The following NRXN3 variants were observed in gnomAD, a reference collection of about 807,000 sequenced individuals.
The protein encoded by NRXN3 is neurexin 3.
A neutral mutation model predicts 137.6 loss-of-function variants in NRXN3; 32 were observed. The ratio of observed to expected loss-of-function variants is 0.23; its 90% CI spans 0.18 to 0.31. The LOEUF is 0.31. Among genes scored for constraint, NRXN3 ranks in the 10% least tolerant of loss-of-function variants. The pLI, the probability that NRXN3 is intolerant of heterozygous loss-of-function variation, is 1.00. For synonymous variants in NRXN3, 798 were observed against 784.5 expected (o/e 1.02, Z -0.29); for missense variants, 1,574 against 2,062.5 (o/e 0.76, Z 4.59).
chr14:79,131,675 G>A lies in NRXN3; in HGVS notation c.3262+143534G>A, dbSNP rs577858092. ...CCAGAGGTGGAGCCTACAGAGGCAG[G>A]CAGGCCTCCTTGAGCTGTGGTTGGC... On this transcript the variant is annotated intron_variant, in intron 15 of 20. Transcript: ENST00000335750. 2.0e-4 allele frequency among the ~76,000 whole-genome samples: 31 copies of A among 152,356 alleles called. No homozygotes were observed. The South Asian group carries it at 6.4e-3, about 32-fold the overall frequency.
At chr14:78,305,647 T>C (rs993140723) in intron 4 of NRXN3, among the ~76,000 whole-genome samples, 1 of 152,228 alleles carries the variant, frequency 6.6e-6, no homozygotes, top group African/African-American at 2.4e-5. Flanking sequence ...GAAAATAAGT[T>C]ACTGCCTTGA....
rs921897943 is a variant in NRXN3 at position 79,171,427 on chromosome 14, C to A, written c.3262+183286C>A. Reference sequence around the variant, plus strand: ...CCAGAAATCTTCCTAGTTTCTTCCCCACCTGTCATGGAGTTTCATTGTATT... The same window carrying A: ...CCAGAAATCTTCCTAGTTTCTTCCCAACCTGTCATGGAGTTTCATTGTATT... On this transcript the variant is annotated intron_variant, in intron 15 of 20. Coordinates refer to ENST00000335750, the MANE Select transcript of NRXN3 (RefSeq NM_001330195.2). Among the ~76,000 whole-genome samples, 10 of 152,210 alleles carry A rather than the reference C, an allele frequency of 6.6e-5. No individual in the cohort carries two copies. The South Asian group carries it at 1.2e-3, about 19-fold the overall frequency.
intron 4 of NRXN3, among the ~76,000 whole-genome samples, chr14:78,458,089 G>A (rs1382650948): frequency 6.6e-6 from 1 of 152,126 alleles, no homozygotes; most frequent in African/African-American, 2.4e-5. Flanking sequence ...GAGAAAGGAG[G>A]GAGACCTAAC....
At chr14:78,755,191 T>G (rs907659351) in intron 8 of NRXN3, among the ~76,000 whole-genome samples, 1 of 63,806 alleles carries the variant, frequency 1.6e-5, no homozygotes, top group African/African-American at 3.5e-4. Flanking sequence ...AGTTTTTGTA[T>G]TTTTTTTTTT....
intron 15 of NRXN3, among the ~76,000 whole-genome samples, chr14:79,355,577 A>C (rs2093395095): frequency 6.6e-6 from 1 of 152,206 alleles, no homozygotes; most frequent in Admixed American, 6.5e-5. Flanking sequence ...ACAGTTGGTC[A>C]CTATAGCATT....
chr14:79,303,954 C>T (rs896196033), intron 15 of NRXN3, among the ~76,000 whole-genome samples: 1 of 152,064 alleles, frequency 6.6e-6, no homozygotes, highest in Non-Finnish European at 1.5e-5. Flanking sequence ...GTAGTGGCAT[C>T]AGCAGCAACA....
At chr14:79,153,235 A>G (rs1006914880) in intron 15 of NRXN3, among the ~76,000 whole-genome samples, 1 of 152,024 alleles carries the variant, frequency 6.6e-6, no homozygotes, top group South Asian at 2.1e-4. Context: ...GCTGTTAAAC[A>G]CAGCTATTTT....
intron 8 of NRXN3, among the ~76,000 whole-genome samples, chr14:78,736,652 C>A (rs1405675029): frequency 6.6e-6 from 1 of 152,204 alleles, no homozygotes; most frequent in Non-Finnish European, 1.5e-5. Flanking sequence ...TTTATTTACA[C>A]TTTTATTCAT....
chr14:79,802,825 C>T (rs941194218), intron 19 of NRXN3, among the ~76,000 whole-genome samples: 20 of 152,148 alleles, frequency 1.3e-4, no homozygotes, highest in African/African-American at 4.3e-4. Flanking sequence ...GTTTCAGTTG[C>T]TGGAACTGAA....
At chr14:79,325,140 T>G (rs1374702035) in intron 15 of NRXN3, among the ~76,000 whole-genome samples, 2 of 152,224 alleles carry the variant, frequency 1.3e-5, no homozygotes, top group Non-Finnish European at 2.9e-5. Context: ...TTCTGGTAGT[T>G]TGAAAAATAA....
chr14:79,324,899 A>G (rs1332852192), intron 15 of NRXN3, among the ~76,000 whole-genome samples: 2 of 152,178 alleles, frequency 1.3e-5, no homozygotes, highest in South Asian at 4.1e-4. Flanking sequence ...GTGTAATGAA[A>G]AAAGAAAACA....
rs554941344 is a variant in NRXN3 at position 79,811,388 on chromosome 14, T to C, written c.4093+6198T>C. 3.9e-5 allele frequency among the ~76,000 whole-genome samples: 6 copies of C among 152,298 alleles called. No individual in the cohort carries two copies. The East Asian group carries it at 1.2e-3, about 29-fold the overall frequency. On this transcript the variant is annotated intron_variant, in intron 20 of 20. Coordinates refer to ENST00000335750, the MANE Select transcript of NRXN3 (RefSeq NM_001330195.2). ...TAAAATTTGAGTTACAATACATGTC[T>C]AATGCTCACAAAAGCAAATAGTTGT...
intron 9 of NRXN3, among the ~76,000 whole-genome samples, chr14:78,806,022 A>G (rs1456876809): frequency 2.7e-5 from 4 of 146,742 alleles, no homozygotes; most frequent in Non-Finnish European, 6.0e-5. Flanking sequence ...AGTCTGAGAG[A>G]TGTGCTTTTC....
At chr14:78,222,898 C>T (rs1211238239) in intron 1 of NRXN3, among the ~76,000 whole-genome samples, 2 of 152,184 alleles carry the variant, frequency 1.3e-5, no homozygotes, top group African/African-American at 4.8e-5. Flanking sequence ...ACACTCAGAA[C>T]ATAATAGGTG....
At chr14:79,206,620 C>T (rs960014004) in intron 15 of NRXN3, among the ~76,000 whole-genome samples, 1 of 152,152 alleles carries the variant, frequency 6.6e-6, no homozygotes, top group Non-Finnish European at 1.5e-5. Context: ...TTGTGACAAC[C>T]CTGCCTTTCC....
intron 4 of NRXN3, among the ~76,000 whole-genome samples, chr14:78,630,348 A>G (rs2097507350): frequency 6.6e-6 from 1 of 152,224 alleles, no homozygotes; most frequent in South Asian, 2.1e-4. Context: ...TAATAACATT[A>G]ACAAATTTTG....
chr14:79,328,777 CAT>C (rs2091271361), intron 15 of NRXN3, among the ~76,000 whole-genome samples: 1 of 152,178 alleles, frequency 6.6e-6, no homozygotes, highest in Non-Finnish European at 1.5e-5. Flanking sequence ...TCATGCAGTG[CAT>C]ATATGTTTTG....
intron 17 of NRXN3, among the ~76,000 whole-genome samples, chr14:79,664,980 C>G (rs78080970): frequency 6.6e-6 from 1 of 152,112 alleles, no homozygotes; most frequent in Non-Finnish European, 1.5e-5. Flanking sequence ...AACAAAGAAG[C>G]TTGAAGCACA....
At chr14:79,289,840 C>T (rs1281865589) in intron 15 of NRXN3, among the ~76,000 whole-genome samples, 1 of 152,134 alleles carries the variant, frequency 6.6e-6, no homozygotes, top group East Asian at 1.9e-4. Flanking sequence ...CCTGTTGCTG[C>T]TCCTCATCTG....
Sources: allele counts gnomAD v4.1 joint callset (sites outside exome capture counted in the v4.1 genomes callset), GRCh38; gene constraint gnomAD v4.1.1; transcripts MANE v1.5; gene names NCBI Gene and HGNC (gene_info 2026-07-23, HGNC 2026-07-21).